Variants in TLN2 observed in about 807,000 individuals in gnomAD.
TLN2 encodes the protein talin-2.
A neutral mutation model predicts 294.7 loss-of-function variants in TLN2; 118 were observed. That is an observed-to-expected ratio of 0.40 (90% confidence interval 0.34 to 0.47). The LOEUF (loss-of-function observed/expected upper bound fraction) is 0.47. Ranked by LOEUF, TLN2 falls within the 20% of genes least tolerant of loss-of-function variation. The pLI is 0.84. For synonymous variants in TLN2, 1,431 were observed against 1,304.5 expected, an observed-to-expected ratio of 1.10 and a Z score of -2.09; for missense variants, 3,083 against 3,282.2, an observed-to-expected ratio of 0.94 and a Z score of 1.48.
intron 46 of TLN2, among the ~76,000 whole-genome samples, chr15:62,795,334 C>G (rs2141127878): frequency 6.6e-6 from 1 of 152,204 alleles, no homozygotes; most frequent in South Asian, 2.1e-4. Context: ...GAAGCGGACA[C>G]ATGACCAGAA....
At chr15:62,422,615 T>G (rs1424463085) in intron 1 of TLN2, among the ~76,000 whole-genome samples, 1 of 152,142 alleles carries the variant, frequency 6.6e-6, no homozygotes, top group African/African-American at 2.4e-5. Flanking sequence ...GGATACCTTC[T>G]CTTAAGAGTG....
At chr15:62,424,752 A>G (rs2034605555) in intron 1 of TLN2, among the ~76,000 whole-genome samples, 1 of 151,826 alleles carries the variant, frequency 6.6e-6, no homozygotes, top group Admixed American at 6.6e-5. Context: ...TCCCTGGTTC[A>G]AGCAGTTCTC....
intron 1 of TLN2, among the ~76,000 whole-genome samples, chr15:62,499,204 T>C (rs1701736): frequency 0.3 from 46,179 of 152,048 alleles, 8,357 homozygotes; most frequent in African/African-American, 0.51. Context: ...ATCCCAGCAC[T>C]TTGGGAGGCT....
intron 22 of TLN2, among the ~76,000 whole-genome samples, chr15:62,715,486 T>C (rs1178339082): frequency 1.3e-5 from 2 of 152,246 alleles, no homozygotes; most frequent in Non-Finnish European, 2.9e-5. Flanking sequence ...TGTGAGCATG[T>C]TGAATTATTA....
intron 1 of TLN2, among the ~76,000 whole-genome samples, chr15:62,515,887 C>T (rs1216051314): frequency 6.6e-6 from 1 of 152,156 alleles, no homozygotes; most frequent in African/African-American, 2.4e-5. Context: ...TGGGCTTGCC[C>T]CATAGCAGCT....
chr15:62,439,895 G>A (rs1056268894), intron 1 of TLN2, among the ~76,000 whole-genome samples: 1 of 152,178 alleles, frequency 6.6e-6, no homozygotes, highest in African/African-American at 2.4e-5. Context: ...CTGTATTTCA[G>A]CTGTCTCTGG....
intron 1 of TLN2, among the ~76,000 whole-genome samples, chr15:62,421,686 G>C (rs368665050): frequency 5.7e-4 from 87 of 152,084 alleles, no homozygotes; most frequent in African/African-American, 1.9e-3. Context: ...GGTAGGGGGT[G>C]GGGGGAGAGA....
chr15:62,496,513 C>G (rs2039026331), intron 1 of TLN2, among the ~76,000 whole-genome samples: 1 of 106,704 alleles, frequency 9.4e-6, no homozygotes, highest in Non-Finnish European at 1.9e-5. Context: ...GGGCTGTGGC[C>G]CAGCAGCTTC....
chr15:62,834,720 T>TA (rs373043686), intron 55 of TLN2: 10 of 152,188 alleles, frequency 6.6e-5, no homozygotes, highest in African/African-American at 2.4e-4. Flanking sequence ...GTCCGTCCTG[T>TA]ACTCAGCAAG....
At chr15:62,565,922 G>A (rs905223500) in intron 1 of TLN2, among the ~76,000 whole-genome samples, 14 of 151,856 alleles carry the variant, frequency 9.2e-5, no homozygotes, top group Admixed American at 6.6e-4. Context: ...GTGTGTGTGT[G>A]TGTGTGTGTG....
rs147182716 is a variant in TLN2 at position 62,697,769 on chromosome 15, G to A, written c.1374G>A (p.Ser458=). The part of the protein sequence containing the change: ...GSVALPAVMR[S]GSSGPETFNV... ...TGGCGCTGCCGGCCGTGATGCGCTC[G>A]GGCTCCAGCGGGCCTGAGACCTTCA... is the stretch of plus-strand genomic sequence containing the variant. The change falls in exon 15 of 59, where the codon TCG becomes TCA. Residue 458 remains serine, a synonymous_variant. Coordinates refer to ENST00000636159, the MANE Select transcript of TLN2 (RefSeq NM_015059.3). The A allele has an allele frequency of 9.2e-5, 149 of 1,612,730 alleles. No homozygotes were observed. In the African/African-American group the frequency reaches 1.4e-3, roughly 15 times the overall value.
At chr15:62,666,655 T>C (rs769772165) in intron 9 of TLN2, among the ~76,000 whole-genome samples, 9 of 152,238 alleles carry the variant, frequency 5.9e-5, no homozygotes, top group Non-Finnish European at 1.3e-4. Flanking sequence ...GTTTTCTGTT[T>C]CCACTTTTTC....
chr15:62,571,558 A>G (rs1302808862), intron 1 of TLN2, among the ~76,000 whole-genome samples: 3 of 152,220 alleles, frequency 2.0e-5, no homozygotes, highest in African/African-American at 7.2e-5. Flanking sequence ...ATTAAGTTAA[A>G]AACAAGGTAC....
At chr15:62,570,101 C>G (rs2043741182) in intron 1 of TLN2, among the ~76,000 whole-genome samples, 1 of 152,202 alleles carries the variant, frequency 6.6e-6, no homozygotes, top group South Asian at 2.1e-4. Flanking sequence ...CTCTTCAGGG[C>G]TGTTGAAAAT....
intron 3 of TLN2, chr15:62,637,483 A>G (rs530741136): frequency 6.6e-6 from 1 of 152,082 alleles, no homozygotes; most frequent in African/African-American, 2.4e-5. Flanking sequence ...CAGCCTTCTT[A>G]CGGTTCGACA....
At position 62,838,741 on chromosome 15, in the gene TLN2, T is replaced by C; in HGVS notation, c.7375-115T>C. On this transcript the variant is annotated intron_variant, in intron 57 of 58. Coordinates refer to ENST00000636159, the MANE Select transcript of TLN2 (RefSeq NM_015059.3). ...ACTCTCTGGCTACAGAACTTGATGT[T>C]ATAATTGGATAATCAATTGACTCAT... 8 of 1,387,992 alleles carry C rather than the reference T, an allele frequency of 5.8e-6. No individual in the cohort carries two copies. In the South Asian group the frequency reaches 1.2e-4, roughly 20 times the overall value. 86.0% of individuals were successfully genotyped at this position (1,387,992 alleles called of 1,614,324 possible).
chr15:62,563,384 G>T (rs1213633390), intron 1 of TLN2, among the ~76,000 whole-genome samples: 2 of 152,168 alleles, frequency 1.3e-5, no homozygotes, highest in African/African-American at 4.8e-5. Flanking sequence ...TTGGCCGTTT[G>T]TATACCTTCT....
intron 3 of TLN2, among the ~76,000 whole-genome samples, chr15:62,623,771 A>G (rs2049035013): frequency 6.6e-6 from 1 of 152,076 alleles, no homozygotes; most frequent in Non-Finnish European, 1.5e-5. Flanking sequence ...TGTTTCTTTT[A>G]GGTTTATGTA....
At chr15:62,560,587 A>T (rs1461439285) in intron 1 of TLN2, among the ~76,000 whole-genome samples, 1 of 152,188 alleles carries the variant, frequency 6.6e-6, no homozygotes, top group East Asian at 1.9e-4. Context: ...TGGCCTCCCA[A>T]AGTGCTGGGA....
Sources: allele counts gnomAD v4.1 joint callset (sites outside exome capture counted in the v4.1 genomes callset), GRCh38; gene constraint gnomAD v4.1.1; transcripts MANE v1.5; gene names NCBI Gene and HGNC (gene_info 2026-07-23, HGNC 2026-07-21).